GRIN2B: variants seen among roughly 807,000 people sequenced by gnomAD.
GRIN2B encodes glutamate ionotropic receptor NMDA type subunit 2B.
A neutral mutation model predicts 114.5 loss-of-function variants in GRIN2B; 5 were observed. That is an observed-to-expected ratio of 0.04 (90% CI 0.02 to 0.09). The LOEUF is 0.09. GRIN2B is among the 10% of genes least tolerant of loss of function. GRIN2B has a pLI of 1.00. For missense variants in GRIN2B, 1,108 were observed against 1,943.5 expected (o/e 0.57, Z 8.08); for synonymous variants, 787 against 745.1 (o/e 1.06, Z -0.92).
chr12:13,907,217 G>A (rs1020501054), intron 2 of GRIN2B, among the ~76,000 whole-genome samples: 10 of 152,320 alleles, frequency 6.6e-5, no homozygotes, highest in South Asian at 4.1e-4. Context: ...AGGGCCGGGC[G>A]TGGTGGCTCA....
At chr12:13,919,166 A>G (rs1463674035) in intron 2 of GRIN2B, among the ~76,000 whole-genome samples, 2 of 152,196 alleles carry the variant, frequency 1.3e-5, no homozygotes, top group African/African-American at 4.8e-5. Context: ...CTTCCCACAA[A>G]TATGCACACG....
intron 2 of GRIN2B, among the ~76,000 whole-genome samples, chr12:13,917,822 A>T (rs1443751789): frequency 2.0e-5 from 3 of 152,252 alleles, no homozygotes; most frequent in African/African-American, 7.2e-5. Context: ...ATTTCAAAAT[A>T]TGCAACAGTG....
At chr12:13,727,531 C>T (rs1863012932) in intron 4 of GRIN2B, among the ~76,000 whole-genome samples, 1 of 152,188 alleles carries the variant, frequency 6.6e-6, no homozygotes, top group Non-Finnish European at 1.5e-5. Context: ...ACAGCTTGTT[C>T]TTTAACTCTC....
At chr12:13,645,896 T>TAA (rs1949757357) in intron 5 of GRIN2B, among the ~76,000 whole-genome samples, 1 of 152,140 alleles carries the variant, frequency 6.6e-6, no homozygotes, top group Admixed American at 6.6e-5. Flanking sequence ...GGGTGACTCT[T>TAA]AAAGACTTAG....
At chr12:13,640,997 G>A (rs971280036) in intron 5 of GRIN2B, among the ~76,000 whole-genome samples, 8 of 152,080 alleles carry the variant, frequency 5.3e-5, no homozygotes, top group African/African-American at 1.4e-4. Context: ...TAAAAACTTC[G>A]GAACCATAGT....
rs138770097 is a variant in GRIN2B, at chr12:13,733,855, C to T, written c.1010+19462G>A. Among the ~76,000 whole-genome samples, 53 of 152,266 alleles carry T rather than the reference C, an allele frequency of 3.5e-4. 1 individual carries two copies. The highest frequency in any genetic ancestry group is 1.1e-3 in the African/African-American group (47 of 41,562). ...CTCACGTCTTCTAAATTCTTTCTTT[C>T]CAAGTAAGCATCTCTTGTAAGACAT... On this transcript the variant is annotated intron_variant, in intron 4 of 13. Transcript: ENST00000609686.
At chr12:13,579,016 T>A (rs1271074247) in intron 10 of GRIN2B, among the ~76,000 whole-genome samples, 1 of 150,800 alleles carries the variant, frequency 6.6e-6, no homozygotes, top group East Asian at 1.9e-4. Context: ...CATGCAGCAG[T>A]GAGAGAACAG....
intron 9 of GRIN2B, among the ~76,000 whole-genome samples, chr12:13,611,237 CA>C (rs909139207): frequency 8.5e-5 from 13 of 152,120 alleles, no homozygotes; most frequent in African/African-American, 3.1e-4. Flanking sequence ...GGGGTTGAAC[CA>C]GGGGCATATG....
Position 13,556,116 on chromosome 12 carries a change from G to C in GRIN2B, c.*6667C>G, listed in dbSNP as rs1948476502. ...CTTGAAGGAAGGAAGATATAGAAAAGGCAAGGTTGTGGTTAGAGAGGAAAT... is the reference window on the plus strand; with the variant it reads ...CTTGAAGGAAGGAAGATATAGAAAACGCAAGGTTGTGGTTAGAGAGGAAAT... On this transcript the variant is annotated 3_prime_UTR_variant, in exon 14 of 14. Transcript: ENST00000609686. The C allele has an allele frequency of 6.6e-6, 1 of 152,132 alleles. No individual in the cohort carries two copies. Among genetic ancestry groups the C allele is most frequent in the African/African-American group, 2.4e-5 (1 of 41,414 alleles). The allele number at this position is 152,132 out of a possible 1,614,324, so 9.4% of individuals were successfully genotyped here. A position where few individuals can be genotyped will look rare whatever the true frequency, so the allele number is the denominator to read the frequency against.
At chr12:13,675,110 A>G (rs1227173927) in intron 5 of GRIN2B, among the ~76,000 whole-genome samples, 5 of 152,186 alleles carry the variant, frequency 3.3e-5, no homozygotes, top group Non-Finnish European at 7.4e-5. Flanking sequence ...TACTTTACGT[A>G]TACTTCATCC....
intron 4 of GRIN2B, among the ~76,000 whole-genome samples, chr12:13,727,848 C>T (rs1052544313): frequency 9.9e-5 from 15 of 152,142 alleles, no homozygotes; most frequent in African/African-American, 3.6e-4. Context: ...TGGATAATAG[C>T]TCTGTGGGGT....
chr12:13,739,391 A>AG (rs1863240593), intron 4 of GRIN2B, among the ~76,000 whole-genome samples: 2 of 149,774 alleles, frequency 1.3e-5, no homozygotes, highest in Non-Finnish European at 3.0e-5. Context: ...AAAAAAAAAA[A>AG]AAAAAAAAAA....
intron 2 of GRIN2B, among the ~76,000 whole-genome samples, chr12:13,869,854 C>G (rs1251694594): frequency 6.6e-6 from 1 of 152,230 alleles, no homozygotes; most frequent in African/African-American, 2.4e-5. Context: ...TAATTACCAT[C>G]TCTATGCTAT....
At chr12:13,570,812 T>C (rs576044816) in intron 11 of GRIN2B, among the ~76,000 whole-genome samples, 2 of 152,314 alleles carry the variant, frequency 1.3e-5, no homozygotes, top group African/African-American at 2.4e-5. Flanking sequence ...TTACAGGCAA[T>C]AGAGAGGTCT....
intron 4 of GRIN2B, among the ~76,000 whole-genome samples, chr12:13,679,777 A>G (rs1031910261): frequency 4.6e-5 from 7 of 152,224 alleles, no homozygotes; most frequent in African/African-American, 1.7e-4. Context: ...CTGGTAATGA[A>G]AAGTGTGAAA....
chr12:13,758,998 ATTTTTTT>A (rs5796560), intron 3 of GRIN2B, among the ~76,000 whole-genome samples: 2 of 85,600 alleles, frequency 2.3e-5, no homozygotes, highest in Admixed American at 1.6e-4. Context: ...ATCTAGTTCA[ATTTTTTT>A]TTTTTTTTTT....
At chr12:13,711,927 A>G (rs909367088) in intron 4 of GRIN2B, among the ~76,000 whole-genome samples, 1 of 152,174 alleles carries the variant, frequency 6.6e-6, no homozygotes, top group African/African-American at 2.4e-5. Context: ...ACACATGCAC[A>G]TGTATGTTTA....
intron 2 of GRIN2B, among the ~76,000 whole-genome samples, chr12:13,935,234 C>T (rs1212714673): frequency 6.6e-6 from 1 of 152,140 alleles, no homozygotes; most frequent in Non-Finnish European, 1.5e-5. Context: ...AAATTATAAG[C>T]CCTCTGTATC....
chr12:13,846,428 A>G (rs1865474149), intron 3 of GRIN2B, among the ~76,000 whole-genome samples: 1 of 152,208 alleles, frequency 6.6e-6, no homozygotes. Flanking sequence ...CTAGTTGTGA[A>G]TAATTGCATA....
Sources: gnomAD v4.1 joint callset for allele counts (sites outside exome capture counted in the v4.1 genomes callset) on GRCh38, gnomAD v4.1.1 for gene constraint, MANE v1.5 for transcripts, NCBI Gene and HGNC (gene_info 2026-07-23, HGNC 2026-07-21) for gene names.